Variants in ABTB2 observed in about 807,000 individuals in gnomAD.
The protein encoded by ABTB2 is ankyrin repeat and BTB domain containing 2, also known as ankyrin repeat and BTB/POZ domain-containing protein 2.
A neutral mutation model predicts 104.1 loss-of-function variants in ABTB2; 56 were observed. That is an observed-to-expected ratio of 0.54 (90% CI 0.43 to 0.67). The LOEUF (loss-of-function observed/expected upper bound fraction) is 0.67. Ranked by LOEUF, ABTB2 falls within the 30% of genes least tolerant of loss-of-function variation. ABTB2 has a pLI of 0.00. For missense variants in ABTB2, 1,279 were observed against 1,407.7 expected (o/e 0.91, Z 1.46); for synonymous variants, 606 against 608.2 (o/e 1.00, Z 0.05).
At chr11:34,320,316 T>C (rs555840323) in intron 1 of ABTB2, among the ~76,000 whole-genome samples, 75 of 152,282 alleles carry the variant, frequency 4.9e-4, no homozygotes, top group African/African-American at 1.8e-3. Context: ...CTTAAGGATG[T>C]TACCCTTGGG....
At position 34,190,489 on chromosome 11, in the gene ABTB2, T is replaced by C. The variant is rs1853161808; in HGVS notation, c.1244+6836A>G. ...CTTGCTTTTGTCTCCCTCATTAGGC[T>C]GGAGACTCATAAGCCACTCTTTATC... On this transcript the variant is annotated intron_variant, in intron 3 of 16. Transcript: ENST00000435224. Among the ~76,000 whole-genome samples, 3 of 152,308 alleles carry C rather than the reference T, an allele frequency of 2.0e-5. No homozygotes were observed. In the South Asian group the frequency reaches 6.2e-4, roughly 32 times the overall value.
chr11:34,183,589 T>C (rs990042695), intron 3 of ABTB2, among the ~76,000 whole-genome samples: 7 of 152,082 alleles, frequency 4.6e-5, no homozygotes, highest in Non-Finnish European at 1.0e-4. Flanking sequence ...GCTCACCCCC[T>C]CAGAAGCAGG....
chr11:34,337,730 T>A (rs1026276739), intron 1 of ABTB2, among the ~76,000 whole-genome samples: 1 of 152,182 alleles, frequency 6.6e-6, no homozygotes, highest in African/African-American at 2.4e-5. Context: ...AAATCACTAG[T>A]GTCCTGCTCA....
At chr11:34,207,004 C>A (rs1047366476) in intron 1 of ABTB2, among the ~76,000 whole-genome samples, 8 of 152,218 alleles carry the variant, frequency 5.3e-5, no homozygotes, top group African/African-American at 1.9e-4. Flanking sequence ...TTGGGCTCTC[C>A]CCCGCAGCCC....
chr11:34,203,930 T>C (rs1377010665), intron 2 of ABTB2, among the ~76,000 whole-genome samples: 1 of 152,020 alleles, frequency 6.6e-6, no homozygotes, highest in Non-Finnish European at 1.5e-5. Context: ...TCAAATCAAA[T>C]GGGTAATGAG....
Position 34,154,461 on chromosome 11 carries a change from C to T in ABTB2, c.2767-83G>A. The T allele has an allele frequency of 1.9e-6, 2 of 1,053,696 alleles. No individual in the cohort carries two copies. The highest frequency in any genetic ancestry group is 2.8e-6 in the Non-Finnish European group (2 of 704,942). The allele number at this position is 1,053,696 out of a possible 1,614,324, so 65.3% of individuals were successfully genotyped here. On this transcript the variant is annotated intron_variant, in intron 15 of 16. Coordinates refer to ENST00000435224, the MANE Select transcript of ABTB2 (RefSeq NM_145804.3). The surrounding 1 kb of genome is among the most constrained non-coding windows in gnomAD (Gnocchi z 4.9). ...GCACCGAACAGAAAGCTCCCGAGTG[C>T]CGTGTGCCCTGCTGCCTCCACCCTC...
At chr11:34,247,225 G>A (rs1395113152) in intron 1 of ABTB2, among the ~76,000 whole-genome samples, 2 of 152,184 alleles carry the variant, frequency 1.3e-5, no homozygotes, top group Non-Finnish European at 2.9e-5. Flanking sequence ...TGGAGCCACC[G>A]CTACAGGTTC....
intron 4 of ABTB2, among the ~76,000 whole-genome samples, chr11:34,172,215 A>G (rs1413777431): frequency 6.6e-6 from 1 of 151,720 alleles, no homozygotes. Flanking sequence ...TCTACTAAAA[A>G]TACAAAACTA....
At chr11:34,205,601 A>AT (rs1347480305) in intron 1 of ABTB2, among the ~76,000 whole-genome samples, 7 of 95,768 alleles carry the variant, frequency 7.3e-5, no homozygotes, top group Non-Finnish European at 1.4e-4. Flanking sequence ...TCACCCACAA[A>AT]CTTTTTTTTT....
At chr11:34,277,762 T>C (rs1009909592) in intron 1 of ABTB2, among the ~76,000 whole-genome samples, 13 of 150,928 alleles carry the variant, frequency 8.6e-5, no homozygotes, top group African/African-American at 2.9e-4. Context: ...AGCAAGACTC[T>C]GTCTCAAAAA....
chr11:34,335,848 G>A lies in ABTB2; in HGVS notation c.883+20853C>T. ...AGTTTCATCAGGCCACACCTTTTGAGAGCATATATCTGGAGGTAGAGCGGC... is the reference window on the plus strand; with the variant it reads ...AGTTTCATCAGGCCACACCTTTTGAAAGCATATATCTGGAGGTAGAGCGGC... On this transcript the variant is annotated intron_variant, in intron 1 of 16. Transcript: ENST00000435224. The A allele has an allele frequency of 1.2e-5, 15 of 1,216,230 alleles. No homozygotes were observed. In the South Asian group the frequency reaches 1.9e-4, roughly 15 times the overall value. 75.3% of individuals were successfully genotyped at this position (1,216,230 alleles called of 1,614,324 possible).
At chr11:34,254,467 C>A (rs10836170) in intron 1 of ABTB2, among the ~76,000 whole-genome samples, 1 of 151,092 alleles carries the variant, frequency 6.6e-6, no homozygotes, top group Admixed American at 6.6e-5. Flanking sequence ...TTTCCCAGAC[C>A]GGTCTCAAAT....
intron 1 of ABTB2, among the ~76,000 whole-genome samples, chr11:34,266,520 T>C (rs1854252538): frequency 6.6e-6 from 1 of 152,162 alleles, no homozygotes; most frequent in Non-Finnish European, 1.5e-5. Context: ...AGGAAAACAG[T>C]AGTGTGTCTT....
chr11:34,218,364 T>A (rs1372152098), intron 1 of ABTB2, among the ~76,000 whole-genome samples: 1 of 152,196 alleles, frequency 6.6e-6, no homozygotes, highest in Non-Finnish European at 1.5e-5. Flanking sequence ...ATCTAAAAAG[T>A]CATCATCAAA....
At chr11:34,260,658 A>C (rs1159138224) in intron 1 of ABTB2, among the ~76,000 whole-genome samples, 1 of 152,200 alleles carries the variant, frequency 6.6e-6, no homozygotes, top group Admixed American at 6.5e-5. Flanking sequence ...AGAATTCTGA[A>C]ACGCTTATCT....
At chr11:34,329,576 G>A (rs188772948) in intron 1 of ABTB2, among the ~76,000 whole-genome samples, 7 of 152,238 alleles carry the variant, frequency 4.6e-5, no homozygotes, top group Non-Finnish European at 7.3e-5. Flanking sequence ...CAGAGCCAAC[G>A]AGACTCAAGT....
At chr11:34,254,126 A>G (rs1269773227) in intron 1 of ABTB2, among the ~76,000 whole-genome samples, 2 of 152,188 alleles carry the variant, frequency 1.3e-5, no homozygotes, top group Non-Finnish European at 2.9e-5. Flanking sequence ...ACACTATTTT[A>G]TTAAATCCTC....
chr11:34,269,995 A>G (rs1854294322), intron 1 of ABTB2, among the ~76,000 whole-genome samples: 1 of 152,272 alleles, frequency 6.6e-6, no homozygotes, highest in South Asian at 2.1e-4. Context: ...AGCAAGTGGT[A>G]CAGCCAGACT....
chr11:34,286,039 A>G (rs972124137), intron 1 of ABTB2, among the ~76,000 whole-genome samples: 2 of 151,768 alleles, frequency 1.3e-5, no homozygotes, highest in South Asian at 2.1e-4. Flanking sequence ...AGAAGAAAAC[A>G]TTATAATCGC....
Sources: allele counts gnomAD v4.1 joint callset (sites outside exome capture counted in the v4.1 genomes callset), GRCh38; gene constraint gnomAD v4.1.1; non-coding constraint Gnocchi (gnomAD v3.1); transcripts MANE v1.5; gene names NCBI Gene and HGNC (gene_info 2026-07-23, HGNC 2026-07-21).